The following SPIRE1 variants were observed in gnomAD, a reference collection of about 807,000 sequenced individuals.
The protein encoded by SPIRE1 is protein spire homolog 1.
SPIRE1 carries 40 observed loss-of-function variants against 94.1 expected under a neutral mutation model. The ratio of observed to expected loss-of-function variants is 0.43; its 90% confidence interval spans 0.33 to 0.55. SPIRE1 has a LOEUF of 0.55. Ranked by LOEUF, SPIRE1 falls within the 20% of genes least tolerant of loss-of-function variation. The probability of loss-of-function intolerance (pLI) is 0.06; values close to 1 mark genes in which losing one functional copy is unlikely to be tolerated. For synonymous variants in SPIRE1, 376 were observed against 371.7 expected, an observed-to-expected ratio of 1.01 and a Z score of -0.13; for missense variants, 838 against 975.2, an observed-to-expected ratio of 0.86 and a Z score of 1.87.
intron 2 of SPIRE1, among the ~76,000 whole-genome samples, chr18:12,593,538 A>G (rs1485370732): frequency 6.6e-6 from 1 of 152,250 alleles, no homozygotes; most frequent in African/African-American, 2.4e-5. Context: ...ATTTGAAAGA[A>G]TATTTACTAA....
At position 12,646,035 on chromosome 18, in the gene SPIRE1, C is replaced by T. The variant is rs141223247; in HGVS notation, c.338-10939G>A. Among the ~76,000 whole-genome samples the T allele has an allele frequency of 1.1e-3, 168 of 152,266 alleles. 1 individual carries two copies. Among genetic ancestry groups the T allele is most frequent in the East Asian group, 6.8e-3 (35 of 5,176 alleles). ...CTCTTGGGGCTGCTTACGAATTCGG[C>T]AGCAAAAAATGCGGTAACTGATTAG... On this transcript the variant is annotated intron_variant, in intron 1 of 16. Transcript: ENST00000409402.
At chr18:12,490,642 A>G (rs370757959) in intron 8 of SPIRE1, among the ~76,000 whole-genome samples, 1 of 152,176 alleles carries the variant, frequency 6.6e-6, no homozygotes. Flanking sequence ...ACACATGAAA[A>G]TCAATTAACA....
chr18:12,461,608 T>C (rs1049261859), intron 12 of SPIRE1, among the ~76,000 whole-genome samples: 1 of 150,736 alleles, frequency 6.6e-6, no homozygotes, highest in Admixed American at 6.6e-5. Context: ...CACACACATA[T>C]ACACACACAT....
intron 7 of SPIRE1, among the ~76,000 whole-genome samples, chr18:12,495,679 A>C (rs1417614506): frequency 1.3e-5 from 2 of 152,152 alleles, no homozygotes; most frequent in Admixed American, 1.3e-4. Context: ...GCTTGAGGCC[A>C]GGAGTTTGAG....
chr18:12,459,812 T>A, intron 12 of SPIRE1: 1 of 985,884 alleles, frequency 1.0e-6, no homozygotes, highest in African/African-American at 1.7e-5. Flanking sequence ...ACATAGCCCC[T>A]GCTACCCCAA....
chr18:12,557,089 T>C (rs2035537127), intron 2 of SPIRE1, among the ~76,000 whole-genome samples: 2 of 152,212 alleles, frequency 1.3e-5, no homozygotes, highest in Non-Finnish European at 2.9e-5. Context: ...CTTCACCTAG[T>C]GGATCCCGCG....
chr18:12,571,433 C>T (rs1179475229), intron 2 of SPIRE1, among the ~76,000 whole-genome samples: 1 of 152,112 alleles, frequency 6.6e-6, no homozygotes, highest in Non-Finnish European at 1.5e-5. Context: ...CTAGAGTCTG[C>T]CATCTAACAC....
chr18:12,619,458 A>C (rs1348211552), intron 2 of SPIRE1, among the ~76,000 whole-genome samples: 2 of 152,128 alleles, frequency 1.3e-5, no homozygotes, highest in Admixed American at 6.5e-5. Context: ...CAGTGAGCTG[A>C]GATCGTGCCA....
intron 12 of SPIRE1, among the ~76,000 whole-genome samples, chr18:12,458,096 G>A (rs765199571): frequency 9.2e-4 from 139 of 150,712 alleles, no homozygotes; most frequent in Non-Finnish European, 1.8e-3. Flanking sequence ...CACCCGCCTC[G>A]GCCTCCCAAA....
upstream of SPIRE1, chr18:12,658,644 C>T (rs978844370): frequency 3.8e-5 from 18 of 467,786 alleles, no homozygotes; most frequent in Non-Finnish European, 6.7e-5. Context: ...AAATGCAGGC[C>T]CGCTGAAGCC....
At chr18:12,513,636 G>C (rs1219086954) in intron 4 of SPIRE1, among the ~76,000 whole-genome samples, 1 of 151,768 alleles carries the variant, frequency 6.6e-6, no homozygotes, top group Non-Finnish European at 1.5e-5. Flanking sequence ...CGATTCTCCT[G>C]CCTCAGCCTC....
intron 2 of SPIRE1, among the ~76,000 whole-genome samples, chr18:12,552,571 C>CG (rs539788289): frequency 9.9e-4 from 151 of 152,096 alleles, no homozygotes; most frequent in African/African-American, 3.5e-3. Flanking sequence ...GCAGACAGCC[C>CG]GGCACCACAC....
intron 4 of SPIRE1, among the ~76,000 whole-genome samples, chr18:12,518,397 G>A (rs2034260736): frequency 1.3e-5 from 2 of 152,020 alleles, no homozygotes; most frequent in African/African-American, 4.8e-5. Context: ...GGAGGCTGAA[G>A]CAGAAGGACT....
chr18:12,635,896 T>G (rs569490335), intron 1 of SPIRE1, among the ~76,000 whole-genome samples: 29 of 143,266 alleles, frequency 2.0e-4, no homozygotes, highest in African/African-American at 6.9e-4. Context: ...GTTTTTTTTG[T>G]TTTTTTTTTT....
intron 2 of SPIRE1, among the ~76,000 whole-genome samples, chr18:12,615,327 C>CAAAAAAAAA (rs1234229698): frequency 4.6e-4 from 1 of 2,190 alleles, no homozygotes; most frequent in Non-Finnish European, 9.1e-4. Flanking sequence ...AACTCTGTCT[C>CAAAAAAAAA]AAAAAAAAAA....
upstream of SPIRE1, chr18:12,658,655 TC>T: frequency 2.1e-6 from 1 of 466,196 alleles, no homozygotes; most frequent in Non-Finnish European, 4.5e-6. Flanking sequence ...CGCTGAAGCC[TC>T]CCCGCCGGGC....
At chr18:12,462,551 A>G (rs1315495141) in intron 12 of SPIRE1, among the ~76,000 whole-genome samples, 1 of 152,212 alleles carries the variant, frequency 6.6e-6, no homozygotes, top group Non-Finnish European at 1.5e-5. Flanking sequence ...AGCACCCACT[A>G]TAAGAACCTG....
chr18:12,448,592 T>C lies in SPIRE1; in HGVS notation c.*1046A>G, dbSNP rs2031061073. On this transcript the variant is annotated 3_prime_UTR_variant, in exon 17 of 17. Transcript: ENST00000409402. The surrounding 1 kb of genome is among the most constrained non-coding windows in gnomAD (Gnocchi z 4.4). The stretch of plus-strand genomic sequence containing the variant: ...AAAATGTTGCCTGTCAGCAGGTTAA[T>C]TTTCTTCTAACTTTAAAAGAAGTAG... 6.6e-6 allele frequency: 1 copy of C among 152,208 alleles called. No homozygotes were observed. Among genetic ancestry groups the C allele is most frequent in the South Asian group, 2.1e-4 (1 of 4,834 alleles). 9.4% of individuals were successfully genotyped at this position (152,208 alleles called of 1,614,324 possible).
chr18:12,618,971 G>A (rs1406815758), intron 2 of SPIRE1, among the ~76,000 whole-genome samples: 1 of 151,766 alleles, frequency 6.6e-6, no homozygotes, highest in Admixed American at 6.6e-5. Flanking sequence ...CACAACCTCT[G>A]CCTCCCAGGT....
Sources: allele counts gnomAD v4.1 joint callset (sites outside exome capture counted in the v4.1 genomes callset), GRCh38; gene constraint gnomAD v4.1.1; non-coding constraint Gnocchi (gnomAD v3.1); transcripts MANE v1.5; gene names NCBI Gene and HGNC (gene_info 2026-07-23, HGNC 2026-07-21).